Variants in PAG1 observed in about 807,000 individuals in gnomAD.
The protein encoded by PAG1 is phosphoprotein associated with glycosphingolipid-enriched microdomains 1.
A neutral mutation model predicts 31.7 loss-of-function variants in PAG1; 23 were observed. That is an observed-to-expected ratio of 0.73 (90% CI 0.52 to 1.03). The LOEUF is 1.03. Among genes scored for constraint, PAG1 ranks in the 50% least tolerant of loss-of-function variants. PAG1 has a pLI of 0.00. For missense variants in PAG1, 473 were observed against 540.7 expected, an observed-to-expected ratio of 0.87 and a Z score of 1.24; for synonymous variants, 214 against 210.3, an observed-to-expected ratio of 1.02 and a Z score of -0.15.
intron 3 of PAG1, among the ~76,000 whole-genome samples, chr8:81,014,125 C>T (rs905981379): frequency 6.6e-5 from 10 of 151,958 alleles, no homozygotes; most frequent in Admixed American, 2.6e-4. Flanking sequence ...GGCAAACAAA[C>T]GTAAAAAATA....
rs148403881 is a variant in PAG1 at position 81,044,064 on chromosome 8, C to T, written c.-174-13975G>A. Among the ~76,000 whole-genome samples, 405 of 152,306 alleles carry T rather than the reference C, an allele frequency of 2.7e-3. 1 individual carries two copies. The highest frequency in any genetic ancestry group is 4.5e-3 in the Admixed American group (69 of 15,298). ...CAAGGCCAAGAGGTTCCCAACTACT[C>T]TTGCCCCTTTTGCATTCATCCTCCA... On this transcript the variant is annotated intron_variant, in intron 2 of 8. Transcript: ENST00000220597.
chr8:80,980,849 C>T (rs550761792), intron 7 of PAG1, among the ~76,000 whole-genome samples: 1 of 152,084 alleles, frequency 6.6e-6, no homozygotes, highest in Non-Finnish European at 1.5e-5. Flanking sequence ...TTATCAAATG[C>T]CTGAATTTTA....
chr8:81,097,287 C>G (rs1361592878), intron 1 of PAG1, among the ~76,000 whole-genome samples: 1 of 152,124 alleles, frequency 6.6e-6, no homozygotes, highest in Non-Finnish European at 1.5e-5. Context: ...ATCACCAGAG[C>G]TGGGGAGGGG....
At chr8:80,978,888 T>C (rs527825779) in intron 8 of PAG1, among the ~76,000 whole-genome samples, 34 of 152,348 alleles carry the variant, frequency 2.2e-4, no homozygotes, top group African/African-American at 7.7e-4. Flanking sequence ...TTCATCATTA[T>C]TCCTCAGTCT....
At chr8:80,987,236 TCTGCTAAAA>T in intron 6 of PAG1, 125 bp downstream of exon 6, 2 of 625,960 alleles carry the variant, frequency 3.2e-6, no homozygotes, top group South Asian at 3.8e-5. Flanking sequence ...AATGAGGGGT[TCTGCTAAAA>T]CTGCTAGGAA....
intron 1 of PAG1, among the ~76,000 whole-genome samples, chr8:81,076,355 TC>T (rs1304329660): frequency 6.6e-6 from 1 of 152,176 alleles, no homozygotes; most frequent in Non-Finnish European, 1.5e-5. Context: ...CTCCTTTGCT[TC>T]CCAAGGATGA....
intron 2 of PAG1, among the ~76,000 whole-genome samples, chr8:81,068,559 GA>G (rs35783012): frequency 6.6e-6 from 1 of 152,052 alleles, no homozygotes; most frequent in African/African-American, 2.4e-5. Flanking sequence ...TATCTAGTCA[GA>G]AAAAAAGCTC....
chr8:80,972,939 ACGTGTGTGTGTG>A lies in PAG1; in HGVS notation c.*3593_*3604del. The A allele has an allele frequency of 7.2e-6, 1 of 138,676 alleles. No individual in the cohort carries two copies. Among genetic ancestry groups the A allele is most frequent in the African/African-American group, 3.0e-5 (1 of 33,692 alleles). The allele number at this position is 138,676 out of a possible 1,614,324, so 8.6% of individuals were successfully genotyped here. On this transcript the variant is annotated 3_prime_UTR_variant, in exon 9 of 9. Transcript: ENST00000220597. Reference sequence around the variant, plus strand: ...CAAGTATATACACACACACACGTATACGTGTGTGTGTGTGTGTGTGTGTGTGTAGTTTATTAC... The same window carrying A: ...CAAGTATATACACACACACACGTATATGTGTGTGTGTGTGTAGTTTATTAC...
intron 2 of PAG1, among the ~76,000 whole-genome samples, chr8:81,043,297 G>A (rs1424638879): frequency 6.6e-6 from 1 of 152,118 alleles, no homozygotes; most frequent in Non-Finnish European, 1.5e-5. Context: ...ACAGGATATA[G>A]AGTATTATGT....
In PAG1 at chr8:80,972,303, C is replaced by T. The variant is rs1807093492; in HGVS notation, c.*4241G>A. ...TCAGGAGAATGGCATCACAAGATTG[C>T]ATGGACTCATATTAACTATTACAAG... On this transcript the variant is annotated 3_prime_UTR_variant, in exon 9 of 9. Coordinates refer to ENST00000220597, the MANE Select transcript of PAG1 (RefSeq NM_018440.4). 1 of 152,148 alleles carries T rather than the reference C, an allele frequency of 6.6e-6. No homozygotes were observed. 9.4% of individuals were successfully genotyped at this position (152,148 alleles called of 1,614,324 possible).
chr8:81,046,345 A>G (rs781437863), intron 2 of PAG1, among the ~76,000 whole-genome samples: 67 of 152,348 alleles, frequency 4.4e-4, no homozygotes, highest in Non-Finnish European at 7.1e-4. Flanking sequence ...GTGTTTATCC[A>G]TAAACTGTTT....
intron 3 of PAG1, among the ~76,000 whole-genome samples, chr8:81,027,409 C>T (rs963992916): frequency 9.9e-5 from 15 of 152,114 alleles, no homozygotes; most frequent in African/African-American, 3.4e-4. Context: ...GCAGATAATA[C>T]GTGTGAATCA....
intron 3 of PAG1, among the ~76,000 whole-genome samples, chr8:81,002,400 C>T (rs369667304): frequency 2.6e-5 from 4 of 152,214 alleles, no homozygotes; most frequent in African/African-American, 4.8e-5. Context: ...TGCCCCCTTT[C>T]GGCAGACAGC....
At chr8:81,091,598 T>C (rs1396010191) in intron 1 of PAG1, among the ~76,000 whole-genome samples, 2 of 152,250 alleles carry the variant, frequency 1.3e-5, no homozygotes, top group East Asian at 1.9e-4. Context: ...ATAGAAAAGA[T>C]ACAGTAACAA....
At chr8:81,002,000 C>T (rs1807793717) in intron 3 of PAG1, among the ~76,000 whole-genome samples, 1 of 152,194 alleles carries the variant, frequency 6.6e-6, no homozygotes, top group Admixed American at 6.5e-5. Flanking sequence ...CCATCTGGTA[C>T]ACCCACTGCT....
chr8:81,036,918 A>T (rs1468769353), intron 2 of PAG1: 1 of 152,166 alleles, frequency 6.6e-6, no homozygotes, highest in East Asian at 1.9e-4. Flanking sequence ...ATGTATGCAA[A>T]GCAGCAGTCC....
chr8:81,083,919 C>T (rs1809309522), intron 1 of PAG1, among the ~76,000 whole-genome samples: 1 of 152,014 alleles, frequency 6.6e-6, no homozygotes, highest in African/African-American at 2.4e-5. Flanking sequence ...CCTGTAATCC[C>T]AGCTACTTGG....
chr8:80,973,246 T>C lies in PAG1; in HGVS notation c.*3298A>G, dbSNP rs1807114165. On this transcript the variant is annotated 3_prime_UTR_variant, in exon 9 of 9. Coordinates refer to ENST00000220597, the MANE Select transcript of PAG1 (RefSeq NM_018440.4). ...TAGCCAACATTCTTGCAAGAATTACTTTCTTATGGAATTTAAGATTTCCTC... is the reference window on the plus strand; with the variant it reads ...TAGCCAACATTCTTGCAAGAATTACCTTCTTATGGAATTTAAGATTTCCTC... The C allele has an allele frequency of 6.6e-6, 1 of 152,174 alleles. No individual in the cohort carries two copies. Among genetic ancestry groups the C allele is most frequent in the African/African-American group, 2.4e-5 (1 of 41,444 alleles). The allele number at this position is 152,174 out of a possible 1,614,324, so 9.4% of individuals were successfully genotyped here.
Position 81,111,661 on chromosome 8 carries a change from C to T in PAG1, c.-304G>A, listed in dbSNP as rs987726799. The T allele has an allele frequency of 9.2e-5, 14 of 152,542 alleles. No individual in the cohort carries two copies. Among genetic ancestry groups the T allele is most frequent in the African/African-American group, 2.9e-4 (12 of 41,586 alleles). 9.4% of individuals were successfully genotyped at this position (152,542 alleles called of 1,614,324 possible). A position where few individuals can be genotyped will look rare whatever the true frequency, so the allele number is the denominator to read the frequency against. Reference sequence around the variant, plus strand: ...GGCAGCCTCTGCAAACTCCGGCGCGCAGCGCCGCCGCCCCGGCACAGCCCG... The same window carrying T: ...GGCAGCCTCTGCAAACTCCGGCGCGTAGCGCCGCCGCCCCGGCACAGCCCG... On this transcript the variant is annotated 5_prime_UTR_variant, in exon 1 of 9. Transcript: ENST00000220597.
Sources: allele counts gnomAD v4.1 joint callset (sites outside exome capture counted in the v4.1 genomes callset), GRCh38; gene constraint gnomAD v4.1.1; transcripts MANE v1.5; gene names NCBI Gene and HGNC (gene_info 2026-07-23, HGNC 2026-07-21).